Variants in DYNC2H1 observed in about 807,000 individuals in gnomAD.
The protein encoded by DYNC2H1 is dynein cytoplasmic 2 heavy chain 1.
DYNC2H1 carries 410 observed loss-of-function variants against 570.0 expected under a neutral mutation model. That is an observed-to-expected ratio of 0.72 (90% confidence interval 0.66 to 0.78). The LOEUF (loss-of-function observed/expected upper bound fraction) is 0.78, where lower values mean the gene tolerates loss of function less well. DYNC2H1 is among the 30% of genes least tolerant of loss of function. DYNC2H1 has a pLI of 0.00. For missense variants in DYNC2H1, 4,865 were observed against 5,046.4 expected (o/e 0.96, Z 1.09); for synonymous variants, 1,688 against 1,677.6 (o/e 1.01, Z -0.15).
At position 103,200,838 on chromosome 11, in the gene DYNC2H1, T is replaced by C. The variant is rs375049047; in HGVS notation, c.8197+684T>C. ...GTTTGTTTGCTTGTTTGTTTATTTA[T>C]TTATTTTGAGGCAGAGTCTTGCTCT... On this transcript the variant is annotated intron_variant, in intron 50 of 88. Transcript: ENST00000375735. Among the ~76,000 whole-genome samples, 8 of 152,318 alleles carry C rather than the reference T, an allele frequency of 5.3e-5. No homozygotes were observed. In the East Asian group the frequency reaches 1.3e-3, roughly 26 times the overall value.
At position 103,233,960 on chromosome 11, in the gene DYNC2H1, A is replaced by C; in HGVS notation, c.9441-74A>C. On this transcript the variant is annotated intron_variant, in intron 60 of 88. Coordinates refer to ENST00000375735, the MANE Select transcript of DYNC2H1 (RefSeq NM_001377.3). ...AAATTATGGCATAAAAGTTTACTTTATTACCTATGGATAATTTCATTAAAT... is the reference window on the plus strand; with the variant it reads ...AAATTATGGCATAAAAGTTTACTTTCTTACCTATGGATAATTTCATTAAAT... The C allele has an allele frequency of 2.1e-6, 3 of 1,454,192 alleles. No homozygotes were observed. In the South Asian group the frequency reaches 4.0e-5, roughly 20 times the overall value. 90.1% of individuals were successfully genotyped at this position (1,454,192 alleles called of 1,614,324 possible).
intron 83 of DYNC2H1, among the ~76,000 whole-genome samples, chr11:103,361,838 G>T (rs1940659470): frequency 6.6e-6 from 1 of 152,196 alleles, no homozygotes; most frequent in African/African-American, 2.4e-5. Context: ...AAACCTTGAG[G>T]AATCTTTAGT....
intron 83 of DYNC2H1, among the ~76,000 whole-genome samples, chr11:103,361,397 C>G (rs1308893589): frequency 6.6e-6 from 1 of 152,208 alleles, no homozygotes; most frequent in Non-Finnish European, 1.5e-5. Context: ...TCTTAGACTT[C>G]TCATACTCCA....
In DYNC2H1 at chr11:103,200,105, G is replaced by T. The variant is rs1350075926; in HGVS notation, c.8148G>T (p.Gln2716His). 6.3e-7 allele frequency: 1 copy of T among 1,590,732 alleles called. No homozygotes were observed. Among genetic ancestry groups the T allele is most frequent in the East Asian group, 2.3e-5 (1 of 44,022 alleles). Reference sequence around the variant, plus strand: ...TAGTTTTACTTCTTGAGGATTACCAGTTTGTACATCCTACATTTTTGGAGA... The same window carrying T: ...TAGTTTTACTTCTTGAGGATTACCATTTTGTACATCCTACATTTTTGGAGA... The part of the protein sequence containing the change: ...QQVVLLLEDY[Q>H]FVHPTFLEMI... The change falls in exon 50 of 89, where the codon CAG (glutamine) becomes CAT (histidine). Residue 2716 changes from glutamine (Q) to histidine (H), a missense_variant. Physicochemically the swap from Gln to His is conservative, Grantham distance 24 (BLOSUM62 0). Transcript: ENST00000375735.
chr11:103,457,619 ACTTAG>A (rs1457214259), intron 87 of DYNC2H1, among the ~76,000 whole-genome samples: 9 of 152,180 alleles, frequency 5.9e-5, no homozygotes, highest in Non-Finnish European at 1.3e-4. Context: ...TATAAATAAC[ACTTAG>A]CTTAAAACAT....
chr11:103,392,729 G>A (rs1942216592), intron 83 of DYNC2H1, among the ~76,000 whole-genome samples: 1 of 151,826 alleles, frequency 6.6e-6, no homozygotes, highest in Non-Finnish European at 1.5e-5. Context: ...AGGGGGTATG[G>A]AGGCAAAGAT....
intron 83 of DYNC2H1, among the ~76,000 whole-genome samples, chr11:103,384,041 G>C (rs1941778327): frequency 6.6e-6 from 1 of 151,946 alleles, no homozygotes. Context: ...AAATTTGTTG[G>C]GATTTGCTTT....
chr11:103,410,772 T>C (rs185824400), intron 84 of DYNC2H1, among the ~76,000 whole-genome samples: 1 of 152,202 alleles, frequency 6.6e-6, no homozygotes, highest in East Asian at 1.9e-4. Flanking sequence ...CTCTTTACGC[T>C]GAGTTCTATT....
chr11:103,114,895 G>T (rs1286294289), intron 3 of DYNC2H1, among the ~76,000 whole-genome samples: 1 of 151,820 alleles, frequency 6.6e-6, no homozygotes. Context: ...CTTGTGCTTT[G>T]GAACACTAGA....
intron 82 of DYNC2H1, among the ~76,000 whole-genome samples, chr11:103,350,341 A>G (rs940308557): frequency 2.0e-5 from 3 of 152,156 alleles, no homozygotes; most frequent in Non-Finnish European, 4.4e-5. Context: ...GCAAATTGTA[A>G]TATCTGAGAA....
chr11:103,281,412 G>A (rs1264539317), intron 71 of DYNC2H1, among the ~76,000 whole-genome samples: 11 of 151,914 alleles, frequency 7.2e-5, no homozygotes, highest in Admixed American at 7.2e-4. Context: ...CATTGGGAAA[G>A]GAGAACACTT....
At chr11:103,116,531 A>G (rs1429270358) in intron 4 of DYNC2H1, 39 bp from the exon 5 acceptor site, 2 of 1,519,036 alleles carry the variant, frequency 1.3e-6, no homozygotes, top group Admixed American at 1.9e-5. Flanking sequence ...CCAAGGTACA[A>G]ATATAATTAT....
chr11:103,324,267 C>T lies in DYNC2H1; in HGVS notation c.12039+277C>T, dbSNP rs11225715. Reference sequence around the variant, plus strand: ...GGGTTTGGTGTACAGATTATTTTATCACGTAGGTAATAAGTATAGTGCCCA... The same window carrying T: ...GGGTTTGGTGTACAGATTATTTTATTACGTAGGTAATAAGTATAGTGCCCA... On this transcript the variant is annotated intron_variant, in intron 82 of 88. Transcript: ENST00000375735. The surrounding 1 kb of genome is among the most constrained non-coding windows in gnomAD (Gnocchi z 5.2). Among the ~76,000 whole-genome samples, 4,682 of 151,940 alleles carry T rather than the reference C, an allele frequency of 0.031. 238 individuals carry two copies. Among genetic ancestry groups the T allele is most frequent in the African/African-American group, 0.11 (4,446 of 41,402 alleles).
At chr11:103,219,072 T>C (rs1032286174) in intron 55 of DYNC2H1, among the ~76,000 whole-genome samples, 5 of 152,208 alleles carry the variant, frequency 3.3e-5, no homozygotes, top group South Asian at 2.1e-4. Context: ...GTGTTTAATA[T>C]GTTTTATTAT....
intron 52 of DYNC2H1, among the ~76,000 whole-genome samples, chr11:103,207,548 G>A (rs1013904182): frequency 2.6e-5 from 4 of 152,204 alleles, no homozygotes; most frequent in African/African-American, 9.6e-5. Context: ...TTTTCTTAGC[G>A]AAATAGGAAG....
Position 103,329,125 on chromosome 11 carries a change from G to A in DYNC2H1, c.12039+5135G>A, listed in dbSNP as rs146163943. On this transcript the variant is annotated intron_variant, in intron 82 of 88. Coordinates refer to ENST00000375735, the MANE Select transcript of DYNC2H1 (RefSeq NM_001377.3). ...GAGGAAGCTGTGAGAATTAGAGATT[G>A]ATTGCTAGGAAGGATGAAACAGAAA... is the stretch of plus-strand genomic sequence containing the variant. 1.9e-3 allele frequency among the ~76,000 whole-genome samples: 290 copies of A among 152,178 alleles called. 1 individual carries two copies. The highest frequency in any genetic ancestry group is 6.7e-3 in the African/African-American group (279 of 41,536).
At position 103,369,579 on chromosome 11, in the gene DYNC2H1, G is replaced by A. The variant is rs1369425059; in HGVS notation, c.12156+11220G>A. ...CTTTCCTTCTGTTTGAGGAGAGGAG[G>A]GTAAAAAGTGGGGAGGATTTTGTCT... On this transcript the variant is annotated intron_variant, in intron 83 of 88. Coordinates refer to ENST00000375735, the MANE Select transcript of DYNC2H1 (RefSeq NM_001377.3). The surrounding 1 kb of genome is among the most constrained non-coding windows in gnomAD (Gnocchi z 4.0). 1.3e-5 allele frequency among the ~76,000 whole-genome samples: 2 copies of A among 152,216 alleles called. No homozygotes were observed. The highest frequency in any genetic ancestry group is 2.4e-5 in the African/African-American group (1 of 41,528).
intron 65 of DYNC2H1, among the ~76,000 whole-genome samples, chr11:103,247,235 T>C (rs1864653682): frequency 6.6e-6 from 1 of 152,030 alleles, no homozygotes; most frequent in Non-Finnish European, 1.5e-5. Flanking sequence ...TATTTCCATG[T>C]TGAGTTTGAG....
At chr11:103,432,043 C>A (rs510347) in intron 84 of DYNC2H1, among the ~76,000 whole-genome samples, 84,392 of 151,870 alleles carry the variant, frequency 0.56, 24,087 homozygotes, top group East Asian at 0.72. Flanking sequence ...GACCAGCCGC[C>A]GAGCACCAAA....
Sources: gnomAD v4.1 joint callset for allele counts (sites outside exome capture counted in the v4.1 genomes callset) on GRCh38, gnomAD v4.1.1 for gene constraint, Gnocchi (gnomAD v3.1) non-coding constraint, MANE v1.5 for transcripts, NCBI Gene and HGNC (gene_info 2026-07-23, HGNC 2026-07-21) for gene names.